Variants in LACTBL1 observed in about 807,000 individuals in gnomAD.
LACTBL1 encodes lactamase beta like 1.
In LACTBL1, 29 loss-of-function variants were observed where a neutral mutation model predicts 39.6. That is an observed-to-expected ratio of 0.73 (90% confidence interval 0.55 to 1.00). The LOEUF (loss-of-function observed/expected upper bound fraction) is 1.00, where lower values mean the gene tolerates loss of function less well. Among genes scored for constraint, LACTBL1 ranks in the 50% least tolerant of loss-of-function variants. The pLI is 0.00. For missense variants in LACTBL1, 711 were observed against 748.5 expected (o/e 0.95, Z 0.59); for synonymous variants, 361 against 360.7 (o/e 1.00, Z -0.01).
intron 3 of LACTBL1, 89 bp downstream of exon 5, chr1:22,959,853 T>G: frequency 6.9e-7 from 1 of 1,441,050 alleles, no homozygotes; most frequent in Admixed American, 2.2e-5. Flanking sequence ...ACCCCAGCCA[T>G]GATTCTCTTC....
At chr1:22,971,506 A>C in the LACTBL1 span, among the ~76,000 whole-genome samples, 63 of 67,436 alleles carry the variant, frequency 9.3e-4, no homozygotes, top group East Asian at 0.022. Flanking sequence ...CGGCTCCACC[A>C]CCCCCCAACC....
At chr1:22,955,280 G>A in intron 5 of LACTBL1, 41 bp downstream of exon 7, 1 of 1,472,218 alleles carries the variant, frequency 6.8e-7, no homozygotes, top group Non-Finnish European at 9.3e-7. Context: ...CTCCCCAGGA[G>A]GCTCCTAACA....
intron 4 of LACTBL1, among the ~76,000 whole-genome samples, 195 bp from the exon 7 acceptor site, chr1:22,955,621 T>G (rs1236233150): frequency 6.6e-6 from 1 of 152,222 alleles, no homozygotes; most frequent in Non-Finnish European, 1.5e-5. Flanking sequence ...GGCAGGTCAC[T>G]GGGCCTCTCT....
At chr1:22,962,121 A>G (rs1441876586) in intron 2 of LACTBL1, among the ~76,000 whole-genome samples, 1 of 152,168 alleles carries the variant, frequency 6.6e-6, no homozygotes, top group Admixed American at 6.5e-5. Context: ...AAGTGGTTAC[A>G]TGGCAATGGC....
chr1:22,953,066 T>C, exon 6 of LACTBL1: 1 of 1,232,256 alleles, frequency 8.1e-7, no homozygotes, highest in Non-Finnish European at 1.0e-6. Context: ...AACACCGGCT[T>C]GCCCCGCAGC....
chr1:22,969,822 G>A (rs1157880362), upstream of LACTBL1, among the ~76,000 whole-genome samples: 4 of 152,108 alleles, frequency 2.6e-5, 1 homozygote, highest in South Asian at 4.1e-4. Context: ...TGGCTTCTTT[G>A]TCTGGGTCCC....
intron 2 of LACTBL1, among the ~76,000 whole-genome samples, chr1:22,962,202 T>A (rs1640829724): frequency 6.6e-6 from 1 of 152,206 alleles, no homozygotes; most frequent in Non-Finnish European, 1.5e-5. Context: ...CTATAACTCC[T>A]GAAAGCCACA....
chr1:22,958,589 G>A, intron 4 of LACTBL1, 96 bp downstream of exon 6: 2 of 1,059,652 alleles, frequency 1.9e-6, no homozygotes, highest in Non-Finnish European at 2.7e-6. Flanking sequence ...AGGAAGCAGA[G>A]CCAAGAGTGA....
exon 5 of LACTBL1, chr1:22,955,423 A>T: frequency 9.7e-6 from 15 of 1,548,444 alleles, no homozygotes; most frequent in Non-Finnish European, 1.3e-5. Flanking sequence ...CCTTCTGGGC[A>T]GCCCTAGGGA....
At chr1:22,953,581 C>A in exon 6 of LACTBL1, 1 of 1,254,044 alleles carries the variant, frequency 8.0e-7, no homozygotes, top group African/African-American at 1.6e-5. Context: ...GGCGGCGTAG[C>A]CGTCCAGATC....
At chr1:22,971,377 C>T in the LACTBL1 span, among the ~76,000 whole-genome samples, 5 of 152,284 alleles carry the variant, frequency 3.3e-5, no homozygotes, top group Non-Finnish European at 7.3e-5. Flanking sequence ...GCCAGCTGCT[C>T]ACAGTTTGAC....
intron 4 of LACTBL1, 90 bp from the exon 7 acceptor site, chr1:22,955,516 T>C (rs1640753101): frequency 1.3e-6 from 1 of 774,940 alleles, no homozygotes; most frequent in African/African-American, 1.7e-5. Flanking sequence ...CTTCCGTGAG[T>C]TGAGAGATAA....
At chr1:22,964,930 G>A (rs1640862056) in intron 1 of LACTBL1, among the ~76,000 whole-genome samples, 1 of 152,204 alleles carries the variant, frequency 6.6e-6, no homozygotes, top group Admixed American at 6.5e-5. Context: ...GCTGCAGGAA[G>A]GTCTTGAAAG....
At chr1:22,969,532 C>A (rs1435884682), upstream of LACTBL1, among the ~76,000 whole-genome samples, 2 of 152,134 alleles carry the variant, frequency 1.3e-5, no homozygotes, top group Non-Finnish European at 2.9e-5. Flanking sequence ...AGACGCTGTT[C>A]TACAGGAAAC....
chr1:22,961,019 G>GT (rs1209244731), intron 2 of LACTBL1, among the ~76,000 whole-genome samples: 1 of 151,928 alleles, frequency 6.6e-6, no homozygotes, highest in Admixed American at 6.6e-5. Flanking sequence ...ACCTCAAGCA[G>GT]TCTTCCCACC....
chr1:22,955,469 G>T, intron 4 of LACTBL1, 43 bp from the exon 7 acceptor site: 1 of 1,316,518 alleles, frequency 7.6e-7, no homozygotes, highest in Non-Finnish European at 1.1e-6. Context: ...CCGGCTGAGG[G>T]TGGGATGGTG....
exon 6 of LACTBL1, chr1:22,953,787 G>A: frequency 1.3e-6 from 2 of 1,537,620 alleles, no homozygotes; most frequent in Non-Finnish European, 1.8e-6. Context: ...CGGCGGTAGA[G>A]TACATCTGGC....
At chr1:22,960,179 A>T in intron 2 of LACTBL1, 80 bp from the exon 5 acceptor site, 1 of 1,498,070 alleles carries the variant, frequency 6.7e-7, no homozygotes, top group Non-Finnish European at 9.0e-7. Context: ...ACCCTCGTCC[A>T]TAGTCACACC....
upstream of LACTBL1, among the ~76,000 whole-genome samples, chr1:22,966,475 G>T (rs1640877189): frequency 6.6e-6 from 1 of 152,132 alleles, no homozygotes; most frequent in Admixed American, 6.5e-5. Context: ...CCTCAGTGGT[G>T]AGTTACCAAA....
Sources: gnomAD v4.1 joint callset for allele counts (sites outside exome capture counted in the v4.1 genomes callset) on GRCh38, gnomAD v4.1.1 for gene constraint, MANE v1.5 for transcripts, NCBI Gene and HGNC (gene_info 2026-07-23, HGNC 2026-07-21) for gene names.